Variants in OR10H3 observed in about 807,000 individuals in gnomAD.
OR10H3 encodes the protein olfactory receptor family 10 subfamily H member 3.
In OR10H3, 15 loss-of-function variants were observed where a neutral mutation model predicts 11.1. That is an observed-to-expected ratio of 1.36 (90% CI 0.91 to 2.09). OR10H3 has a LOEUF of 2.09. Ranked by LOEUF, OR10H3 falls within the 30% of genes most tolerant of loss-of-function variation. The probability of loss-of-function intolerance (pLI) is 0.00; values close to 1 mark genes in which losing one functional copy is unlikely to be tolerated. For missense variants in OR10H3, 403 were observed against 391.5 expected (o/e 1.03, Z -0.25); for synonymous variants, 149 against 142.1 (o/e 1.05, Z -0.35).
intron 1 of OR10H3, among the ~76,000 whole-genome samples, chr19:15,738,379 C>T (rs540593220): frequency 4.0e-5 from 6 of 151,676 alleles, no homozygotes; most frequent in African/African-American, 1.5e-4. Context: ...TTTAATACAC[C>T]ATTAGATTTG....
chr19:15,738,533 C>T (rs1210037647), intron 1 of OR10H3, among the ~76,000 whole-genome samples: 1 of 150,990 alleles, frequency 6.6e-6, no homozygotes, highest in East Asian at 1.9e-4. Context: ...TGTCAGATTT[C>T]CTAACTCTTT....
At chr19:15,739,898 A>G (rs2008679437) in intron 1 of OR10H3, among the ~76,000 whole-genome samples, 1 of 152,022 alleles carries the variant, frequency 6.6e-6, no homozygotes, top group South Asian at 2.1e-4. Context: ...AGATGTAAAA[A>G]TCTTGGTATG....
Position 15,741,751 on chromosome 19 carries a change from G to A in OR10H3, c.359G>A (p.Gly120Asp), listed in dbSNP as rs1360264969. The A allele has an allele frequency of 6.2e-6, 10 of 1,613,938 alleles. No individual in the cohort carries two copies. The highest frequency in any genetic ancestry group is 8.5e-6 in the Non-Finnish European group (10 of 1,180,006). Residue 120 changes from glycine to aspartate, a missense_variant, in exon 2 of 2, where the codon GGC becomes GAC. Coordinates refer to ENST00000641646, the MANE Select transcript of OR10H3 (RefSeq NM_013938.2). ...FTHSFLLMVM[G>D]YDHYVTICHP... ...CACTCCTTCCTTCTCATGGTCATGG[G>A]CTATGATCACTACGTGACCATCTGC...
In OR10H3 at chr19:15,741,799, T is replaced by G; in HGVS notation, c.407T>G (p.Leu136Arg). Residue 136 changes from leucine (L) to arginine (R), a missense_variant, in exon 2 of 2, where the codon CTA becomes CGA. Physicochemically the swap from Leu to Arg is moderately radical, Grantham distance 102. Transcript: ENST00000641646. ...TGCCACCCACTGCATTACAACATGCTAATGAGTCCCCGTGGCTGTGCCCAT... is the reference window on the plus strand; with the variant it reads ...TGCCACCCACTGCATTACAACATGCGAATGAGTCCCCGTGGCTGTGCCCAT... ...TICHPLHYNMLMSPRGCAHLV... is the reference protein window; with the variant it reads ...TICHPLHYNMRMSPRGCAHLV... The G allele has an allele frequency of 6.2e-7, 1 of 1,614,242 alleles. No homozygotes were observed. Among genetic ancestry groups the G allele is most frequent in the East Asian group, 2.2e-5 (1 of 44,880 alleles).
intron 1 of OR10H3, 42 bp from the exon 2 acceptor site, chr19:15,741,340 G>A (rs2008694002): frequency 1.5e-6 from 2 of 1,346,720 alleles, no homozygotes; most frequent in Non-Finnish European, 2.1e-6. Context: ...TAGAGTCTAA[G>A]TTTTAACCAC....
chr19:15,742,020 A>G lies in OR10H3; in HGVS notation c.628A>G (p.Ile210Val). 6.2e-7 allele frequency: 1 copy of G among 1,614,136 alleles called. No individual in the cohort carries two copies. The highest frequency in any genetic ancestry group is 2.2e-5 in the East Asian group (1 of 44,878). Reference protein sequence around the residue: ...GVMLVCVTALIGCLFLIILSF... With the variant: ...GVMLVCVTALVGCLFLIILSF... ...GATGCTGGTGTGTGTCACAGCCCTG[A>G]TAGGCTGTTTGTTCCTCATCATCCT... is the stretch of plus-strand genomic sequence containing the variant. The change falls in exon 2 of 2, where the codon ATA becomes GTA. Residue 210 changes from isoleucine (I) to valine (V), a missense_variant. Transcript: ENST00000641646.
Position 15,741,413 on chromosome 19 carries a change from A to C in OR10H3, c.21A>C (p.Arg7Ser), listed in dbSNP as rs1966357. Residue 7 changes from arginine to serine, a missense_variant, in exon 2 of 2, where the codon AGA becomes AGC. Coordinates refer to ENST00000641646, the MANE Select transcript of OR10H3 (RefSeq NM_013938.2). ...TATCCATGCCTGGTCAGAACTACAG[A>C]ACCATATCTGAATTTATCCTCTCTG... MPGQNY[R>S]TISEFILSGF... 1,181,865 of 1,611,574 alleles carry C rather than the reference A, an allele frequency of 0.73. 439,007 individuals are homozygous for C. Among genetic ancestry groups the C allele is most frequent in the African/African-American group, 0.81 (60,898 of 74,912 alleles).
At chr19:15,740,235 C>T (rs2008682995) in intron 1 of OR10H3, among the ~76,000 whole-genome samples, 1 of 152,090 alleles carries the variant, frequency 6.6e-6, no homozygotes, top group Admixed American at 6.5e-5. Flanking sequence ...GCACTGTAAC[C>T]TAGGGGGCAG....
Position 15,742,237 on chromosome 19 carries a change from T to C in OR10H3, c.845T>C (p.Val282Ala). The change falls in exon 2 of 2, where the codon GTC becomes GCC. Residue 282 changes from valine to alanine, a missense_variant. By Grantham distance (64) the Val-to-Ala change is moderately conservative. Coordinates refer to ENST00000641646, the MANE Select transcript of OR10H3 (RefSeq NM_013938.2). Reference protein sequence around the residue: ...SDALMATTYTVFTPFLSPIIF... With the variant: ...SDALMATTYTAFTPFLSPIIF... ...GCCTTGATGGCCACCACCTATACTG[T>C]CTTCACCCCCTTCCTCAGCCCAATC... The C allele has an allele frequency of 1.2e-6, 2 of 1,614,074 alleles. No homozygotes were observed. Among genetic ancestry groups the C allele is most frequent in the Non-Finnish European group, 8.5e-7 (1 of 1,180,034 alleles).
At chr19:15,739,552 G>A (rs982789821) in intron 1 of OR10H3, among the ~76,000 whole-genome samples, 5 of 152,052 alleles carry the variant, frequency 3.3e-5, no homozygotes, top group South Asian at 2.1e-4. Flanking sequence ...TTAGCCAGGC[G>A]TGGTGGCACG....
chr19:15,742,175 C>T lies in OR10H3; in HGVS notation c.783C>T (p.Tyr261=). The T allele has an allele frequency of 1.2e-6, 2 of 1,614,158 alleles. No individual in the cohort carries two copies. The highest frequency in any genetic ancestry group is 1.1e-5 in the South Asian group (1 of 91,082). ...VMHYSFASLI[Y]LKPKGLHSMY... The stretch of plus-strand genomic sequence containing the variant: ...ACTATAGTTTTGCCTCCCTTATCTA[C>T]CTCAAACCCAAGGGCCTCCATTCTA... Residue 261 remains tyrosine (Y), a synonymous_variant, in exon 2 of 2, where the codon TAC becomes TAT. Transcript: ENST00000641646.
intron 1 of OR10H3, among the ~76,000 whole-genome samples, chr19:15,740,919 C>T (rs2144892989): frequency 6.6e-6 from 1 of 152,236 alleles, no homozygotes. Flanking sequence ...AATAAGATGG[C>T]ATAAATGAGT....
At chr19:15,738,387 T>C (rs2008662937) in intron 1 of OR10H3, among the ~76,000 whole-genome samples, 1 of 152,166 alleles carries the variant, frequency 6.6e-6, no homozygotes, top group Non-Finnish European at 1.5e-5. Flanking sequence ...ACCATTAGAT[T>C]TGAATAGGTT....
chr19:15,741,974 A>T lies in OR10H3; in HGVS notation c.582A>T (p.Thr194=). The change falls in exon 2 of 2, where the codon ACA becomes ACT. Residue 194 remains threonine, a synonymous_variant. Coordinates refer to ENST00000641646, the MANE Select transcript of OR10H3 (RefSeq NM_013938.2). ...TGAAGTTGGCCTGTGGGAGCAAGAC[A>T]TCATCTGTCATCATGGGTGTGATGC... ...SLLKLACGSK[T]SSVIMGVMLV... 5 of 1,614,174 alleles carry T rather than the reference A, an allele frequency of 3.1e-6. No individual in the cohort carries two copies. The highest frequency in any genetic ancestry group is 4.2e-6 in the Non-Finnish European group (5 of 1,180,036).
intron 1 of OR10H3, among the ~76,000 whole-genome samples, chr19:15,740,740 T>C (rs2008687835): frequency 6.6e-6 from 1 of 152,172 alleles, no homozygotes; most frequent in African/African-American, 2.4e-5. Flanking sequence ...CCTGTAGAGG[T>C]GTATTGTATT....
intron 1 of OR10H3, among the ~76,000 whole-genome samples, chr19:15,738,538 C>A (rs1009760028): frequency 6.6e-6 from 1 of 150,804 alleles, no homozygotes; most frequent in Admixed American, 6.6e-5. Flanking sequence ...GATTTCCTAA[C>A]TCTTTTCTAT....
At position 15,741,379 on chromosome 19, in the gene OR10H3, C is replaced by T; in HGVS notation, c.-11-3C>T. On this transcript the variant is annotated splice_polypyrimidine_tract_variant and splice_region_variant and intron_variant, in intron 1 of 1. Coordinates refer to ENST00000641646, the MANE Select transcript of OR10H3 (RefSeq NM_013938.2). ...CACTTAATTTTGTTTCTGATCTCACCAGATACAGTATCCATGCCTGGTCAG... is the reference window on the plus strand; with the variant it reads ...CACTTAATTTTGTTTCTGATCTCACTAGATACAGTATCCATGCCTGGTCAG... 1 of 1,576,470 alleles carries T rather than the reference C, an allele frequency of 6.3e-7. No individual in the cohort carries two copies. The highest frequency in any genetic ancestry group is 8.7e-7 in the Non-Finnish European group (1 of 1,146,964).
intron 1 of OR10H3, among the ~76,000 whole-genome samples, chr19:15,738,274 G>T (rs1443784263): frequency 1.3e-5 from 2 of 151,854 alleles, no homozygotes; most frequent in Non-Finnish European, 2.9e-5. Context: ...TTTTTAAATC[G>T]ATTCCTGTGA....
At chr19:15,740,163 T>A (rs1462240418) in intron 1 of OR10H3, among the ~76,000 whole-genome samples, 5 of 151,976 alleles carry the variant, frequency 3.3e-5, no homozygotes, top group Non-Finnish European at 7.4e-5. Context: ...TTTAGGAGAC[T>A]GAGAAGAAGC....
Sources: allele counts gnomAD v4.1 joint callset (sites outside exome capture counted in the v4.1 genomes callset), GRCh38; gene constraint gnomAD v4.1.1; transcripts MANE v1.5; gene names NCBI Gene and HGNC (gene_info 2026-07-23, HGNC 2026-07-21).